The following TFB1M variants were observed in gnomAD, a reference collection of about 807,000 sequenced individuals.
TFB1M encodes the protein dimethyladenosine transferase 1, mitochondrial.
TFB1M carries 27 observed loss-of-function variants against 31.1 expected under a neutral mutation model. That is an observed-to-expected ratio of 0.87 (90% CI 0.64 to 1.20). The LOEUF is 1.20. TFB1M is among the 50% of genes most tolerant of loss of function. TFB1M has a pLI of 0.00. For missense variants in TFB1M, 394 were observed against 418.7 expected, an observed-to-expected ratio of 0.94 and a Z score of 0.51; for synonymous variants, 166 against 151.8, an observed-to-expected ratio of 1.09 and a Z score of -0.69.
rs1251572375 is a variant in TFB1M, at chr6:155,257,259, T to C, written c.*577A>G. The C allele has an allele frequency of 2.1e-6, 2 of 958,286 alleles. No individual in the cohort carries two copies. Among genetic ancestry groups the C allele is most frequent in the Non-Finnish European group, 3.0e-6 (2 of 663,718 alleles). The allele number at this position is 958,286 out of a possible 1,614,324, so 59.4% of individuals were successfully genotyped here. The stretch of plus-strand genomic sequence containing the variant: ...CAGTATACATTTTCCCACAAAATGG[T>C]TGTAAAGATTTAAGTTATTTTAATT... On this transcript the variant is annotated 3_prime_UTR_variant, in exon 7 of 7. Coordinates refer to ENST00000367166, the MANE Select transcript of TFB1M (RefSeq NM_016020.4).
At chr6:155,246,515 T>A in the TFB1M span, among the ~76,000 whole-genome samples, 1 of 152,164 alleles carries the variant, frequency 6.6e-6, no homozygotes, top group Non-Finnish European at 1.5e-5. Context: ...TGTAAAAATG[T>A]TCGTAGAAAT....
chr6:155,290,317 C>T (rs915914597), intron 4 of TFB1M, among the ~76,000 whole-genome samples: 5 of 137,130 alleles, frequency 3.6e-5, no homozygotes, highest in African/African-American at 1.4e-4. Context: ...ACCCGGGAGG[C>T]GGGGCTTGCA....
At chr6:155,234,003 TG>T in the TFB1M span, among the ~76,000 whole-genome samples, 10 of 147,368 alleles carry the variant, frequency 6.8e-5, 1 homozygote, top group African/African-American at 1.0e-4. Context: ...AAATTTTTTT[TG>T]GGGGGGGGTT....
chr6:155,246,517 C>T, the TFB1M span, among the ~76,000 whole-genome samples: 2 of 152,042 alleles, frequency 1.3e-5, no homozygotes, highest in Admixed American at 1.3e-4. Context: ...TAAAAATGTT[C>T]GTAGAAATGG....
downstream of TFB1M, chr6:155,254,496 G>A: frequency 6.2e-7 from 1 of 1,614,192 alleles, no homozygotes. Flanking sequence ...CACATAAAGT[G>A]TGAATTACCA....
the TFB1M span, chr6:155,250,027 G>C: frequency 1.5e-5 from 20 of 1,338,548 alleles, no homozygotes; most frequent in Admixed American, 1.7e-4. Flanking sequence ...GTCTGTAGGT[G>C]ACCTTCTAGA....
Position 155,285,078 on chromosome 6 carries a change from G to A in TFB1M, c.666+80C>T. 3 of 1,568,424 alleles carry A rather than the reference G, an allele frequency of 1.9e-6. No individual in the cohort carries two copies. In the South Asian group the frequency reaches 3.4e-5, roughly 18 times the overall value. The stretch of plus-strand genomic sequence containing the variant: ...GCACATAAACAAAGGTTAGATCCTA[G>A]AGGTTATTTCCTATGACACATCCTC... On this transcript the variant is annotated intron_variant, in intron 5 of 6. Transcript: ENST00000367166.
At chr6:155,269,320 T>TTTTC (rs888986988) in intron 5 of TFB1M, among the ~76,000 whole-genome samples, 6 of 90,306 alleles carry the variant, frequency 6.6e-5, no homozygotes, top group African/African-American at 2.3e-4. Context: ...TTTTCTTTTC[T>TTTTC]TTTCTTTTTT....
chr6:155,248,225 C>A, the TFB1M span: 1 of 1,571,664 alleles, frequency 6.4e-7, no homozygotes, highest in Admixed American at 1.8e-5. Context: ...CACAGGGCGG[C>A]GAGGGGCTGC....
chr6:155,314,272 G>A (rs1562433688), intron 1 of TFB1M, 24 bp downstream of exon 1: 1 of 1,612,520 alleles, frequency 6.2e-7, no homozygotes, highest in Non-Finnish European at 8.5e-7. Context: ...GGAGACATCC[G>A]GGGAGCACTG....
chr6:155,253,280 A>C, downstream of TFB1M: 1 of 515,106 alleles, frequency 1.9e-6, no homozygotes, highest in Non-Finnish European at 3.4e-6. Context: ...TTGTTTCCTT[A>C]TTTTCCCTAT....
At chr6:155,266,907 C>A (rs1784668735) in intron 5 of TFB1M, among the ~76,000 whole-genome samples, 1 of 141,696 alleles carries the variant, frequency 7.1e-6, no homozygotes, top group African/African-American at 2.6e-5. Flanking sequence ...GAAAGTGAGA[C>A]ATTAAAGCAT....
At chr6:155,261,039 G>C (rs1784375412) in intron 5 of TFB1M, 1 of 155,606 alleles carries the variant, frequency 6.4e-6, no homozygotes, top group Admixed American at 6.2e-5. Flanking sequence ...CAGCTGTGGA[G>C]ATTCTTTAAT....
At chr6:155,307,008 C>T (rs778057047) in intron 2 of TFB1M, among the ~76,000 whole-genome samples, 1 of 151,988 alleles carries the variant, frequency 6.6e-6, no homozygotes, top group Non-Finnish European at 1.5e-5. Flanking sequence ...GTAGTTCCAC[C>T]TACTCAAGAG....
chr6:155,295,366 A>G (rs183974381), intron 4 of TFB1M, among the ~76,000 whole-genome samples: 16 of 148,424 alleles, frequency 1.1e-4, no homozygotes, highest in African/African-American at 3.7e-4. Context: ...ACTCTGTCCA[A>G]AAAAAAAAAA....
At chr6:155,247,810 T>C in the TFB1M span, among the ~76,000 whole-genome samples, 1 of 152,232 alleles carries the variant, frequency 6.6e-6, no homozygotes, top group Non-Finnish European at 1.5e-5. Flanking sequence ...TCCAGGGCTC[T>C]GTCAGGGCTG....
chr6:155,243,162 A>C, the TFB1M span, among the ~76,000 whole-genome samples: 1 of 152,200 alleles, frequency 6.6e-6, no homozygotes, highest in African/African-American at 2.4e-5. Context: ...CTTAGAGTTT[A>C]GCCATTAGAG....
At chr6:155,286,572 T>C (rs976290982) in intron 4 of TFB1M, among the ~76,000 whole-genome samples, 16 of 148,350 alleles carry the variant, frequency 1.1e-4, no homozygotes, top group African/African-American at 3.0e-4. Flanking sequence ...TGTATATATA[T>C]ACATGTGTAT....
At position 155,256,211 on chromosome 6, in the gene TFB1M, A is replaced by G; in HGVS notation, c.*1625T>C. ...CTTGGCAAAATAAGAATCTTAGCCCATGTAGTAGTTTCTAGTGTCTAGTTC... is the reference window on the plus strand; with the variant it reads ...CTTGGCAAAATAAGAATCTTAGCCCGTGTAGTAGTTTCTAGTGTCTAGTTC... On this transcript the variant is annotated 3_prime_UTR_variant, in exon 7 of 7. Coordinates refer to ENST00000367166, the MANE Select transcript of TFB1M (RefSeq NM_016020.4). 1 of 577,262 alleles carries G rather than the reference A, an allele frequency of 1.7e-6. No individual in the cohort carries two copies. Among genetic ancestry groups the G allele is most frequent in the Non-Finnish European group, 3.0e-6 (1 of 330,078 alleles). 35.8% of individuals were successfully genotyped at this position (577,262 alleles called of 1,614,324 possible).
Sources: gnomAD v4.1 joint callset for allele counts (sites outside exome capture counted in the v4.1 genomes callset) on GRCh38, gnomAD v4.1.1 for gene constraint, MANE v1.5 for transcripts, NCBI Gene and HGNC (gene_info 2026-07-23, HGNC 2026-07-21) for gene names.